The following SEC16A variants were observed in gnomAD, a reference collection of about 807,000 sequenced individuals.
SEC16A encodes SEC16 homolog A, endoplasmic reticulum export factor.
In SEC16A, 110 loss-of-function variants were observed where a neutral mutation model predicts 221.9. That is an observed-to-expected ratio of 0.50 (90% confidence interval 0.42 to 0.58). The LOEUF is 0.58. Among genes scored for constraint, SEC16A ranks in the 20% least tolerant of loss-of-function variants. The probability of loss-of-function intolerance (pLI) is 0.00; values close to 1 mark genes in which losing one functional copy is unlikely to be tolerated. For missense variants in SEC16A, 3,165 were observed against 3,097.8 expected, an observed-to-expected ratio of 1.02 and a Z score of -0.52; for synonymous variants, 1,393 against 1,257.7, an observed-to-expected ratio of 1.11 and a Z score of -2.28.
intron 1 of SEC16A, among the ~76,000 whole-genome samples, chr9:136,481,129 C>CTTTTTTTT (rs1000992506): frequency 2.4e-4 from 21 of 87,990 alleles, no homozygotes; most frequent in East Asian, 6.2e-4. Context: ...GAATTTTATT[C>CTTTTTTTT]TTTTTTTTTT....
In SEC16A at chr9:136,454,235, G is replaced by T; in HGVS notation, c.5950C>A (p.Pro1984Thr). Residue 1984 changes from proline (P) to threonine (T), a missense_variant, in exon 21 of 32, where the codon CCT becomes ACT. Physicochemically the swap from Pro to Thr is conservative, Grantham distance 38. Around this residue, in one of 3 missense-constraint regions of SEC16A, gnomAD observed 1,088 missense variants for 1,089.6 expected, o/e 1.00. Transcript: ENST00000684901. ...PLPPGPLEPGPGCVTPGPALG... is the reference protein window; with the variant it reads ...PLPPGPLEPGTGCVTPGPALG... ...GCAGGCCCTGGGGTCACACAGCCAGGACCCGGCTCCAGGGGCCCCGGGGGC... is the reference window on the plus strand; with the variant it reads ...GCAGGCCCTGGGGTCACACAGCCAGTACCCGGCTCCAGGGGCCCCGGGGGC... The T allele has an allele frequency of 6.4e-7, 1 of 1,572,826 alleles. No individual in the cohort carries two copies. Among genetic ancestry groups the T allele is most frequent in the South Asian group, 1.2e-5 (1 of 85,670 alleles).
chr9:136,454,470 G>T, intron 20 of SEC16A, 143 bp from the exon 21 acceptor site: 1 of 823,864 alleles, frequency 1.2e-6, no homozygotes, highest in Non-Finnish European at 2.0e-6. Flanking sequence ...AGAGCAGAAA[G>T]CCTGAAGCCA....
intron 22 of SEC16A, among the ~76,000 whole-genome samples, chr9:136,452,943 C>T (rs1335906455): frequency 6.7e-6 from 1 of 149,924 alleles, no homozygotes; most frequent in Non-Finnish European, 1.5e-5. Flanking sequence ...TGGTGGCACA[C>T]ACCTGTAGTC....
chr9:136,470,419 T>C (rs145579266), intron 4 of SEC16A, among the ~76,000 whole-genome samples: 2 of 152,314 alleles, frequency 1.3e-5, no homozygotes, highest in East Asian at 1.9e-4. Context: ...TCCCTGGCTG[T>C]CTCTCCTCCG....
Position 136,440,399 on chromosome 9 carries a change from A to AAAC in SEC16A, c.*1355_*1356insGTT. 6.5e-6 allele frequency: 1 copy of AAAC among 152,712 alleles called. No individual in the cohort carries two copies. The allele number at this position is 152,712 out of a possible 1,614,324, so 9.5% of individuals were successfully genotyped here. On this transcript the variant is annotated 3_prime_UTR_variant, in exon 32 of 32. Coordinates refer to ENST00000684901, the MANE Select transcript of SEC16A (RefSeq NM_014866.2). Reference sequence around the variant, plus strand: ...AAAACATCCTGGGTGGTCTGGGCTAAATGATCAAGTGAAACAGAAAGCCAG... The same window carrying AAAC: ...AAAACATCCTGGGTGGTCTGGGCTAAAACATGATCAAGTGAAACAGAAAGCCAG...
chr9:136,477,663 T>C lies in SEC16A; in HGVS notation c.-48A>G. ...ATGCTGCTTACAGAAGGAAGCAGGA[T>C]ATAGCTGTTCCTTAATTGGAGCTGG... On this transcript the variant is annotated 5_prime_UTR_variant, in exon 3 of 32. The change creates a new upstream start codon in the 5' untranslated region. Transcript: ENST00000684901. The C allele has an allele frequency of 6.6e-7, 1 of 1,514,714 alleles. No individual in the cohort carries two copies. The highest frequency in any genetic ancestry group is 1.3e-5 in the South Asian group (1 of 79,508). 93.8% of individuals were successfully genotyped at this position (1,514,714 alleles called of 1,614,324 possible).
rs781654133 is a variant in SEC16A, at chr9:136,474,392, T to G, written c.3224A>C (p.Lys1075Thr). The change falls in exon 3 of 32, where the codon AAA becomes ACA. Residue 1075 changes from lysine to threonine, a missense_variant. This residue lies in a region of SEC16A where 2,030 missense variants were observed against 1,923.1 expected (regional missense o/e 1.06). Coordinates refer to ENST00000684901, the MANE Select transcript of SEC16A (RefSeq NM_014866.2). ...ATTTGACAGCTCCGAAAACATGGCT[T>G]TGGGTAGTTGTGGGGGAGAAGCCTG... The part of the protein sequence containing the change: ...QQQASPPQLP[K>T]AMFSELSNPE... 6.2e-7 allele frequency: 1 copy of G among 1,612,712 alleles called. No homozygotes were observed. The highest frequency in any genetic ancestry group is 1.1e-5 in the South Asian group (1 of 91,086).
In SEC16A at chr9:136,447,147, T is replaced by G; in HGVS notation, c.6697+80A>C. 1.3e-6 allele frequency: 2 copies of G among 1,534,704 alleles called. No homozygotes were observed. The highest frequency in any genetic ancestry group is 1.8e-6 in the Non-Finnish European group (2 of 1,136,324). On this transcript the variant is annotated intron_variant, in intron 27 of 31. Coordinates refer to ENST00000684901, the MANE Select transcript of SEC16A (RefSeq NM_014866.2). The surrounding 1 kb of genome is among the most constrained non-coding windows in gnomAD (Gnocchi z 5.5). ...CAGGTCATTCTTTTAACGGGAGATT[T>G]AGGAGAGACTCATAGAAAGAGGATC...
intron 4 of SEC16A, among the ~76,000 whole-genome samples, chr9:136,471,140 C>A (rs1840800500): frequency 6.6e-6 from 1 of 151,628 alleles, no homozygotes; most frequent in Non-Finnish European, 1.5e-5. Flanking sequence ...AGAGGAATGG[C>A]TGGCCTTCAA....
upstream of SEC16A, chr9:136,483,582 G>A: frequency 2.0e-6 from 2 of 985,270 alleles, no homozygotes; most frequent in Non-Finnish European, 2.4e-6. Flanking sequence ...CCCTGTTTAC[G>A]CTGGCTCTTT....
Position 136,447,190 on chromosome 9 carries a change from G to A in SEC16A, c.6697+37C>T, listed in dbSNP as rs1346383678. ...AGAGGATCAAAGGTCAGGAGACTGG[G>A]GGCTGACCTGGAGGGGCTGGTGCTC... is the stretch of plus-strand genomic sequence containing the variant. On this transcript the variant is annotated intron_variant, in intron 27 of 31. Coordinates refer to ENST00000684901, the MANE Select transcript of SEC16A (RefSeq NM_014866.2). The surrounding 1 kb of genome is among the most constrained non-coding windows in gnomAD (Gnocchi z 5.5). The A allele has an allele frequency of 6.4e-7, 1 of 1,573,992 alleles. No homozygotes were observed. The highest frequency in any genetic ancestry group is 8.6e-7 in the Non-Finnish European group (1 of 1,159,750).
chr9:136,454,401 G>T, intron 20 of SEC16A, 74 bp from the exon 21 acceptor site: 1 of 1,331,200 alleles, frequency 7.5e-7, no homozygotes, highest in Non-Finnish European at 1.1e-6. Flanking sequence ...GCTGACACTC[G>T]ACGTGTTTAT....
At chr9:136,481,074 G>A (rs938014358) in intron 1 of SEC16A, among the ~76,000 whole-genome samples, 2 of 151,154 alleles carry the variant, frequency 1.3e-5, no homozygotes, top group South Asian at 4.2e-4. Flanking sequence ...TACTCACCAG[G>A]AGAAAAACAA....
intron 5 of SEC16A, among the ~76,000 whole-genome samples, chr9:136,468,122 C>T (rs1045816844): frequency 3.9e-5 from 6 of 152,186 alleles, no homozygotes; most frequent in African/African-American, 1.4e-4. Flanking sequence ...CAGCAGCTCT[C>T]GAACTGCTAG....
intron 13 of SEC16A, 36 bp downstream of exon 13, chr9:136,461,141 G>A: frequency 1.3e-6 from 2 of 1,531,636 alleles, no homozygotes; most frequent in Non-Finnish European, 1.8e-6. Flanking sequence ...GAGCCAGCAG[G>A]GCTCGCCACT....
In SEC16A at chr9:136,477,485, G is replaced by A; in HGVS notation, c.131C>T (p.Thr44Ile). ...RANNNAAVAP[T>I]TCPLQPVTDP... Reference sequence around the variant, plus strand: ...CGTGACCGGCTGCAACGGGCAAGTTGTCGGAGCCACTGCTGCATTATTATT... The same window carrying A: ...CGTGACCGGCTGCAACGGGCAAGTTATCGGAGCCACTGCTGCATTATTATT... The change falls in exon 3 of 32, where the codon ACA becomes ATA. Residue 44 changes from threonine to isoleucine, a missense_variant. By Grantham distance (89) the Thr-to-Ile change is moderately conservative. Transcript: ENST00000684901. 6.2e-7 allele frequency: 1 copy of A among 1,614,010 alleles called. No homozygotes were observed. Among genetic ancestry groups the A allele is most frequent in the Non-Finnish European group, 8.5e-7 (1 of 1,179,904 alleles).
intron 12 of SEC16A, 86 bp from the exon 13 acceptor site, chr9:136,461,360 G>T: frequency 3.1e-6 from 3 of 955,062 alleles, no homozygotes; most frequent in Non-Finnish European, 3.3e-6. Flanking sequence ...TCCTCACGCA[G>T]CAGCAGATAC....
intron 11 of SEC16A, 47 bp downstream of exon 11, chr9:136,463,416 A>G (rs952236319): frequency 6.3e-7 from 1 of 1,598,552 alleles, no homozygotes; most frequent in Non-Finnish European, 8.5e-7. Context: ...CCAAGACGAA[A>G]TGAAGACCAG....
Position 136,476,276 on chromosome 9 carries a change from C to G in SEC16A, c.1340G>C (p.Gly447Ala), listed in dbSNP as rs370132051. ...CTGCGAGCCGCTGGCATCCGGCACC[C>G]CTGTGCTCGCTGTGTCACCCCACAC... The part of the protein sequence containing the change: ...GDVWGDTAST[G>A]VPDASGSQYE... The change falls in exon 3 of 32, where the codon GGG (glycine) becomes GCG (alanine). Residue 447 changes from glycine to alanine, a missense_variant. Gly to Ala is a moderately conservative substitution (Grantham distance 60). This residue lies in a region of SEC16A where 2,030 missense variants were observed against 1,923.1 expected (regional missense o/e 1.06). Coordinates refer to ENST00000684901, the MANE Select transcript of SEC16A (RefSeq NM_014866.2). 1 of 1,613,248 alleles carries G rather than the reference C, an allele frequency of 6.2e-7. No individual in the cohort carries two copies. Among genetic ancestry groups the G allele is most frequent in the African/African-American group, 1.3e-5 (1 of 74,934 alleles).
Sources: allele counts gnomAD v4.1 joint callset (sites outside exome capture counted in the v4.1 genomes callset), GRCh38; gene constraint gnomAD v4.1.1; regional missense constraint gnomAD v4.1.1; non-coding constraint Gnocchi (gnomAD v3.1); transcripts MANE v1.5; gene names NCBI Gene and HGNC (gene_info 2026-07-23, HGNC 2026-07-21).